Variants in CRTAM observed in about 807,000 individuals in gnomAD.
CRTAM encodes cytotoxic and regulatory T-cell molecule.
In CRTAM, 44 loss-of-function variants were observed where a neutral mutation model predicts 50.0. The observed-to-expected ratio is 0.88, with a 90% CI of 0.69 to 1.13. The LOEUF (loss-of-function observed/expected upper bound fraction) is 1.13, where lower values mean the gene tolerates loss of function less well. Ranked by LOEUF, CRTAM falls within the 50% of genes most tolerant of loss-of-function variation. The probability of loss-of-function intolerance (pLI) is 0.00; values close to 1 mark genes in which losing one functional copy is unlikely to be tolerated. For missense variants in CRTAM, 448 were observed against 457.5 expected (o/e 0.98, Z 0.19); for synonymous variants, 159 against 169.3 (o/e 0.94, Z 0.47).
rs139060588 is a variant in CRTAM at position 122,864,636 on chromosome 11, T to C, written c.734T>C (p.Val245Ala). Reference sequence around the variant, plus strand: ...CATGTTTTATCTTCTTTCACTTTAGTCTCAGTAACGGAAGATTCTAGTACA... The same window carrying C: ...CATGTTTTATCTTCTTTCACTTTAGCCTCAGTAACGGAAGATTCTAGTACA... The part of the protein sequence containing the change: ...SQDPQQPTST[V>A]SVTEDSSTSE... Residue 245 changes from valine (V) to alanine (A), a missense_variant and splice_region_variant, in exon 7 of 10, where the codon GTC becomes GCC. Physicochemically the swap from Val to Ala is moderately conservative, Grantham distance 64. Coordinates refer to ENST00000227348, the MANE Select transcript of CRTAM (RefSeq NM_019604.4). 1.2e-5 allele frequency: 19 copies of C among 1,606,642 alleles called. No homozygotes were observed. The African/African-American group carries it at 1.9e-4, about 16-fold the overall frequency.
intron 5 of CRTAM, 75 bp downstream of exon 5, chr11:122,855,931 C>A: frequency 8.2e-7 from 1 of 1,220,010 alleles, no homozygotes; most frequent in Non-Finnish European, 1.2e-6. Context: ...AAATTAAATG[C>A]AGTGGGCAGA....
chr11:122,845,190 A>G (rs1861847950), intron 1 of CRTAM, among the ~76,000 whole-genome samples: 1 of 152,206 alleles, frequency 6.6e-6, no homozygotes, highest in Middle Eastern at 3.2e-3. Context: ...GGAACCAGGT[A>G]AAGACACTGA....
At chr11:122,843,871 A>G (rs1379968573) in intron 1 of CRTAM, among the ~76,000 whole-genome samples, 1 of 152,230 alleles carries the variant, frequency 6.6e-6, no homozygotes, top group Non-Finnish European at 1.5e-5. Flanking sequence ...TTTAAGCACT[A>G]CAGTCTAAGC....
intron 5 of CRTAM, among the ~76,000 whole-genome samples, chr11:122,861,409 TATATATATATA>T (rs1251845396): frequency 1.0e-3 from 23 of 21,914 alleles, no homozygotes; most frequent in African/African-American, 3.5e-3. Context: ...TATATATATA[TATATATATATA>T]TTTTTTTTTT....
At chr11:122,845,052 G>A (rs1287323380) in intron 1 of CRTAM, among the ~76,000 whole-genome samples, 1 of 152,164 alleles carries the variant, frequency 6.6e-6, no homozygotes, top group African/African-American at 2.4e-5. Flanking sequence ...AGTGAGTATA[G>A]AGAGTCTATC....
intron 4 of CRTAM, 40 bp from the exon 5 acceptor site, chr11:122,855,655 T>C: frequency 6.3e-7 from 1 of 1,590,026 alleles, no homozygotes; most frequent in Non-Finnish European, 8.6e-7. Flanking sequence ...CCTCATCCAG[T>C]AGCATTAAAT....
At chr11:122,847,454 T>C (rs1824863846) in intron 1 of CRTAM, among the ~76,000 whole-genome samples, 1 of 152,208 alleles carries the variant, frequency 6.6e-6, no homozygotes, top group African/African-American at 2.4e-5. Context: ...AGGGAGAATA[T>C]GAAATCTGAA....
intron 6 of CRTAM, among the ~76,000 whole-genome samples, chr11:122,863,037 C>T (rs1387834610): frequency 6.6e-6 from 1 of 152,154 alleles, no homozygotes; most frequent in East Asian, 1.9e-4. Context: ...TTGTCAATAA[C>T]TCAGGTCATT....
chr11:122,862,390 A>G (rs1363754904), intron 5 of CRTAM, 74 bp from the exon 6 acceptor site: 1 of 930,956 alleles, frequency 1.1e-6, no homozygotes, highest in Non-Finnish European at 1.8e-6. Flanking sequence ...ATATTCTCCA[A>G]TCTCTTTTAC....
At chr11:122,867,774 C>T (rs935564858) in intron 8 of CRTAM, among the ~76,000 whole-genome samples, 2 of 152,082 alleles carry the variant, frequency 1.3e-5, no homozygotes, top group Admixed American at 6.6e-5. Context: ...TAGCATAGAT[C>T]CAGAAATTGG....
chr11:122,845,489 A>T (rs577912641), intron 1 of CRTAM, among the ~76,000 whole-genome samples: 9 of 152,244 alleles, frequency 5.9e-5, no homozygotes, highest in Non-Finnish European at 1.0e-4. Flanking sequence ...TGGGTGGATC[A>T]CTTTAGGTCA....
intron 9 of CRTAM, 103 bp downstream of exon 9, chr11:122,868,202 G>GTA: frequency 3.6e-6 from 2 of 561,642 alleles, no homozygotes; most frequent in Non-Finnish European, 6.4e-6. Context: ...GTGTGTGTGT[G>GTA]TGTGTGTGTG....
At chr11:122,853,881 G>A in intron 3 of CRTAM, 62 bp from the exon 4 acceptor site, 1 of 1,489,860 alleles carries the variant, frequency 6.7e-7, no homozygotes, top group Non-Finnish European at 9.2e-7. Context: ...ATTAGCCTCT[G>A]TGCTTTGTTG....
chr11:122,867,725 C>T (rs760421491), intron 8 of CRTAM, among the ~76,000 whole-genome samples, 170 bp downstream of exon 8: 6 of 152,172 alleles, frequency 3.9e-5, no homozygotes, highest in Non-Finnish European at 8.8e-5. Context: ...GTGTGAATCT[C>T]CAGGGACTAT....
At chr11:122,868,187 TA>T in intron 9 of CRTAM, 88 bp downstream of exon 9, 1 of 688,762 alleles carries the variant, frequency 1.5e-6, no homozygotes, top group Non-Finnish European at 2.5e-6. Context: ...GACAACAGAA[TA>T]TGTGTGTGTG....
chr11:122,848,876 T>C (rs1376529804), intron 1 of CRTAM, among the ~76,000 whole-genome samples: 1 of 152,222 alleles, frequency 6.6e-6, no homozygotes, highest in African/African-American at 2.4e-5. Flanking sequence ...TAATTTATAA[T>C]ATGAAGGAAT....
chr11:122,851,761 G>C lies in CRTAM; in HGVS notation c.262G>C (p.Val88Leu). 6.2e-7 allele frequency: 1 copy of C among 1,613,970 alleles called. No individual in the cohort carries two copies. Among genetic ancestry groups the C allele is most frequent in the African/African-American group, 1.3e-5 (1 of 74,998 alleles). ...TCAGCTCTCCATCACTGTGCCTAAC[G>C]TAACCCTGCAAGATGAAGGCGTGTA... ...ANQLSITVPN[V>L]TLQDEGVYKC... Residue 88 changes from valine to leucine, a missense_variant, in exon 3 of 10, where the codon GTA becomes CTA. Coordinates refer to ENST00000227348, the MANE Select transcript of CRTAM (RefSeq NM_019604.4).
At position 122,851,769 on chromosome 11, in the gene CRTAM, G is replaced by A; in HGVS notation, c.270G>A (p.Leu90=). ...QLSITVPNVT[L]QDEGVYKCLH... ...CCATCACTGTGCCTAACGTAACCCT[G>A]CAAGATGAAGGCGTGTACAAGTGCT... Residue 90 remains leucine, a synonymous_variant, in exon 3 of 10, where the codon CTG becomes CTA. Coordinates refer to ENST00000227348, the MANE Select transcript of CRTAM (RefSeq NM_019604.4). 1 of 1,614,124 alleles carries A rather than the reference G, an allele frequency of 6.2e-7. No homozygotes were observed.
Position 122,847,041 on chromosome 11 carries a change from C to A in CRTAM, c.47-3027C>A, listed in dbSNP as rs1861872845. ...TCAAATAATTATTAAGCACTATATA[C>A]CAAGTAAAAGAAGAATGTCATGCTT... On this transcript the variant is annotated intron_variant, in intron 1 of 9. Transcript: ENST00000227348. Among the ~76,000 whole-genome samples, 5 of 152,158 alleles carry A rather than the reference C, an allele frequency of 3.3e-5. No homozygotes were observed. In the South Asian group the frequency reaches 1.0e-3, roughly 32 times the overall value.
Sources: gnomAD v4.1 joint callset for allele counts (sites outside exome capture counted in the v4.1 genomes callset) on GRCh38, gnomAD v4.1.1 for gene constraint, MANE v1.5 for transcripts, NCBI Gene and HGNC (gene_info 2026-07-23, HGNC 2026-07-21) for gene names.